Variants in CALN1 observed in about 807,000 individuals in gnomAD.
The protein encoded by CALN1 is calcium-binding protein 8.
Under a neutral mutation model 30.6 loss-of-function variants are expected in CALN1, and 17 were observed. The observed-to-expected ratio is 0.56, with a 90% confidence interval of 0.38 to 0.83. The LOEUF (loss-of-function observed/expected upper bound fraction) is 0.83. Ranked by LOEUF, CALN1 falls within the 40% of genes least tolerant of loss-of-function variation. The pLI is 0.00. For missense variants in CALN1, 291 were observed against 354.9 expected (o/e 0.82, Z 1.45); for synonymous variants, 156 against 131.4 (o/e 1.19, Z -1.28).
At chr7:71,881,740 C>T (rs1217676505) in intron 5 of CALN1, among the ~76,000 whole-genome samples, 1 of 152,068 alleles carries the variant, frequency 6.6e-6, no homozygotes, top group Non-Finnish European at 1.5e-5. Flanking sequence ...AATTACCATA[C>T]ACTTAGTGGC....
chr7:71,957,777 G>C (rs1276732317), intron 5 of CALN1, among the ~76,000 whole-genome samples: 1 of 152,084 alleles, frequency 6.6e-6, no homozygotes, highest in Non-Finnish European at 1.5e-5. Flanking sequence ...AGAAAGTGCA[G>C]GTTTCTGCTG....
At chr7:72,462,821 C>A in the CALN1 span, among the ~76,000 whole-genome samples, 2 of 152,218 alleles carry the variant, frequency 1.3e-5, no homozygotes, top group Non-Finnish European at 2.9e-5. Flanking sequence ...ACTGCCTGCC[C>A]GAACTTGCCG....
intron 5 of CALN1, among the ~76,000 whole-genome samples, chr7:71,923,362 G>A (rs1310516432): frequency 2.0e-5 from 3 of 152,168 alleles, no homozygotes; most frequent in Non-Finnish European, 4.4e-5. Flanking sequence ...CTTCAAAGGA[G>A]AACTAGCTAG....
intron 2 of CALN1, among the ~76,000 whole-genome samples, chr7:72,312,950 T>C (rs1279165745): frequency 7.2e-5 from 11 of 152,082 alleles, no homozygotes; most frequent in Admixed American, 2.6e-4. Flanking sequence ...TTCTCCTGCC[T>C]CAGCCTCCCA....
intron 3 of CALN1, among the ~76,000 whole-genome samples, chr7:72,124,938 C>A (rs1173096525): frequency 1.3e-5 from 2 of 152,008 alleles, no homozygotes; most frequent in African/African-American, 4.8e-5. Flanking sequence ...AGAATTACAA[C>A]TCATTATTTT....
chr7:71,973,474 C>T (rs1175534146), intron 5 of CALN1, among the ~76,000 whole-genome samples: 1 of 152,194 alleles, frequency 6.6e-6, no homozygotes, highest in African/African-American at 2.4e-5. Context: ...CCTTGCCCAG[C>T]CTGAATTCTG....
At chr7:72,281,564 G>A (rs760941418) in intron 2 of CALN1, among the ~76,000 whole-genome samples, 1 of 152,088 alleles carries the variant, frequency 6.6e-6, no homozygotes, top group Non-Finnish European at 1.5e-5. Flanking sequence ...CTCACTAGAT[G>A]AGCCTCACCA....
Position 72,327,224 on chromosome 7 carries a change from T to C in CALN1, c.120-48414A>G, listed in dbSNP as rs963783716. ...AACACTTGATTGAGGCTGGGTGCAG[T>C]GGCTCACGCCTGTAATCCCAGCACT... On this transcript the variant is annotated intron_variant, in intron 2 of 6. Transcript: ENST00000395275. Among the ~76,000 whole-genome samples the C allele has an allele frequency of 3.3e-5, 5 of 152,242 alleles. No individual in the cohort carries two copies. The East Asian group carries it at 9.6e-4, about 29-fold the overall frequency.
chr7:71,840,402 T>G (rs142253251), intron 5 of CALN1, among the ~76,000 whole-genome samples: 359 of 150,592 alleles, frequency 2.4e-3, no homozygotes, highest in African/African-American at 7.9e-3. Flanking sequence ...GGAGGATCAT[T>G]TGAGCCCAGG....
At chr7:72,314,552 T>C (rs1800303685) in intron 2 of CALN1, among the ~76,000 whole-genome samples, 1 of 150,814 alleles carries the variant, frequency 6.6e-6, no homozygotes, top group Admixed American at 6.6e-5. Flanking sequence ...GCCTCCCGAG[T>C]AGCTGGAATA....
intron 4 of CALN1, among the ~76,000 whole-genome samples, chr7:72,033,643 A>G (rs1272346026): frequency 6.6e-6 from 1 of 152,160 alleles, no homozygotes; most frequent in Non-Finnish European, 1.5e-5. Flanking sequence ...TGAGGATGCC[A>G]GGAAGGAGGG....
chr7:72,219,767 T>C (rs1225125822), intron 3 of CALN1, among the ~76,000 whole-genome samples: 1 of 151,980 alleles, frequency 6.6e-6, no homozygotes, highest in Non-Finnish European at 1.5e-5. Flanking sequence ...GGCAGCAGAA[T>C]AGGAAACTGC....
At chr7:72,164,151 T>A (rs966872475) in intron 3 of CALN1, among the ~76,000 whole-genome samples, 1 of 152,124 alleles carries the variant, frequency 6.6e-6, no homozygotes, top group African/African-American at 2.4e-5. Context: ...GCAGGCCATC[T>A]GAGGTGAGGA....
At chr7:72,064,862 C>T (rs1471273550) in intron 4 of CALN1, among the ~76,000 whole-genome samples, 1 of 151,712 alleles carries the variant, frequency 6.6e-6, no homozygotes, top group Non-Finnish European at 1.5e-5. Context: ...TTGGTGCTTG[C>T]TCAGGCATTT....
intron 5 of CALN1, among the ~76,000 whole-genome samples, chr7:71,847,779 G>GA (rs1790381563): frequency 1.4e-5 from 2 of 142,570 alleles, no homozygotes; most frequent in Admixed American, 1.4e-4. Context: ...GAAGAAAGAA[G>GA]AAGAAGAAGA....
At chr7:71,988,022 G>A (rs913896138) in intron 5 of CALN1, among the ~76,000 whole-genome samples, 9 of 152,178 alleles carry the variant, frequency 5.9e-5, no homozygotes, top group Admixed American at 5.9e-4. Flanking sequence ...GTGCCCAGGT[G>A]TGACAACAGG....
chr7:72,472,914 T>G, the CALN1 span, among the ~76,000 whole-genome samples: 5 of 152,126 alleles, frequency 3.3e-5, no homozygotes, highest in Non-Finnish European at 5.9e-5. Context: ...TTCAACAGAT[T>G]TACATCTAGA....
intron 2 of CALN1, among the ~76,000 whole-genome samples, chr7:72,375,684 A>G (rs553370893): frequency 1.8e-4 from 27 of 152,232 alleles, no homozygotes; most frequent in Non-Finnish European, 3.4e-4. Context: ...GTCTTGCTAT[A>G]TTGCCCAGGC....
intron 3 of CALN1, among the ~76,000 whole-genome samples, chr7:72,197,951 T>C (rs1289662705): frequency 1.3e-5 from 2 of 152,154 alleles, no homozygotes; most frequent in African/African-American, 4.8e-5. Context: ...TTAAGACACC[T>C]TTCTTCGTGG....
Sources: gnomAD v4.1 joint callset for allele counts (sites outside exome capture counted in the v4.1 genomes callset) on GRCh38, gnomAD v4.1.1 for gene constraint, MANE v1.5 for transcripts, NCBI Gene and HGNC (gene_info 2026-07-23, HGNC 2026-07-21) for gene names.